MYPN: variants seen among roughly 807,000 people sequenced by gnomAD.
MYPN encodes myopalladin, also known as sarcomeric protein myopalladin, 145 kDa (MYOP).
In MYPN, 63 loss-of-function variants were observed where a neutral mutation model predicts 129.4. That is an observed-to-expected ratio of 0.49 (90% CI 0.40 to 0.60). The LOEUF is 0.60. Among genes scored for constraint, MYPN ranks in the 20% least tolerant of loss-of-function variants. The pLI, the probability that MYPN is intolerant of heterozygous loss-of-function variation, is 0.00. For synonymous variants in MYPN, 629 were observed against 600.9 expected, an observed-to-expected ratio of 1.05 and a Z score of -0.68; for missense variants, 1,596 against 1,635.4, an observed-to-expected ratio of 0.98 and a Z score of 0.42.
intron 1 of MYPN, among the ~76,000 whole-genome samples, chr10:68,095,085 G>A (rs1030130674): frequency 6.6e-6 from 1 of 152,014 alleles, no homozygotes; most frequent in Non-Finnish European, 1.5e-5. Flanking sequence ...TATAAGGCAC[G>A]AGGTCAGGAG....
chr10:68,122,605 A>G (rs1369207595), intron 2 of MYPN, among the ~76,000 whole-genome samples: 1 of 152,222 alleles, frequency 6.6e-6, no homozygotes, highest in East Asian at 1.9e-4. Context: ...CTAACATATT[A>G]AAAACATTAT....
upstream of MYPN, among the ~76,000 whole-genome samples, chr10:68,104,407 C>T (rs1000571246): frequency 1.3e-5 from 2 of 152,090 alleles, no homozygotes; most frequent in South Asian, 4.1e-4. Context: ...TTGCTGTGCT[C>T]AGAAATAACA....
At chr10:68,149,445 A>T (rs370462803) in intron 5 of MYPN, among the ~76,000 whole-genome samples, 1 of 144,556 alleles carries the variant, frequency 6.9e-6, no homozygotes, top group East Asian at 1.9e-4. Flanking sequence ...TTTCTTTTAT[A>T]TACATATTTT....
chr10:68,089,716 G>A (rs1219333702), intron 1 of MYPN, among the ~76,000 whole-genome samples: 1 of 152,116 alleles, frequency 6.6e-6, no homozygotes, highest in African/African-American at 2.4e-5. Context: ...TGTTGTTGAA[G>A]TATCAACTGT....
chr10:68,123,889 G>A (rs1401579789), intron 2 of MYPN, among the ~76,000 whole-genome samples: 3 of 151,932 alleles, frequency 2.0e-5, no homozygotes, highest in African/African-American at 7.2e-5. Flanking sequence ...AAACTTTAAA[G>A]AAACCCAAAT....
intron 13 of MYPN, among the ~76,000 whole-genome samples, chr10:68,191,216 C>CTTTTTT (rs56335317): frequency 6.9e-6 from 1 of 144,338 alleles, no homozygotes; most frequent in African/African-American, 2.5e-5. Flanking sequence ...TTTTCTATTT[C>CTTTTTT]TTTTTTTTTT....
chr10:68,194,248 A>G, intron 13 of MYPN, 115 bp from the exon 14 acceptor site: 1 of 1,115,446 alleles, frequency 9.0e-7, no homozygotes, highest in Non-Finnish European at 1.3e-6. Flanking sequence ...CAAGTGCTTC[A>G]TAAAGTATGG....
intron 10 of MYPN, among the ~76,000 whole-genome samples, chr10:68,171,152 A>C (rs1207630361): frequency 6.6e-6 from 1 of 151,490 alleles, no homozygotes; most frequent in East Asian, 1.9e-4. Flanking sequence ...CTGTCAAAAA[A>C]AAAAAAGAAA....
intron 12 of MYPN, among the ~76,000 whole-genome samples, chr10:68,178,339 T>C (rs1033780101): frequency 3.3e-5 from 5 of 152,320 alleles, no homozygotes; most frequent in African/African-American, 9.6e-5. Context: ...AAGAGTACCA[T>C]TCATCACCAG....
At position 68,158,685 on chromosome 10, in the gene MYPN, CACTT is replaced by C. The variant is rs138631064; in HGVS notation, c.1459+60_1459+63del. On this transcript the variant is annotated intron_variant, in intron 7 of 19. Coordinates refer to ENST00000358913, the MANE Select transcript of MYPN (RefSeq NM_032578.4). ...TTTGTTTTTATGAACTTATTGTACA[CACTT>C]ATTTTTATAACTTTTTAACAACTAA... The C allele has an allele frequency of 0.019, 23,847 of 1,236,382 alleles. 656 individuals carry two copies. The highest frequency in any genetic ancestry group is 0.11 in the African/African-American group (7,299 of 65,020). The allele number at this position is 1,236,382 out of a possible 1,614,324, so 76.6% of individuals were successfully genotyped here.
Position 68,121,682 on chromosome 10 carries a change from G to A in MYPN, c.244G>A (p.Ala82Thr). 6.2e-7 allele frequency: 1 copy of A among 1,614,180 alleles called. No homozygotes were observed. The highest frequency in any genetic ancestry group is 8.5e-7 in the Non-Finnish European group (1 of 1,180,028). Residue 82 changes from alanine to threonine, a missense_variant, in exon 2 of 20, where the codon GCC (alanine) becomes ACC (threonine). Coordinates refer to ENST00000358913, the MANE Select transcript of MYPN (RefSeq NM_032578.4). ...LDESVNLARL[A>T]INYDPLEKAD... is the part of the protein sequence containing the mutation. ...CGAAAGTGTCAATTTGGCAAGACTG[G>A]CCATCAATTACGACCCTTTGGAGAA...
At chr10:68,094,151 C>T (rs2041944252) in intron 1 of MYPN, among the ~76,000 whole-genome samples, 1 of 152,062 alleles carries the variant, frequency 6.6e-6, no homozygotes, top group South Asian at 2.1e-4. Context: ...AGTATCTTTA[C>T]GATCTATATC....
chr10:68,191,216 C>CTTTTT (rs56335317), intron 13 of MYPN, among the ~76,000 whole-genome samples: 2 of 144,338 alleles, frequency 1.4e-5, no homozygotes, highest in Non-Finnish European at 3.0e-5. Context: ...TTTTCTATTT[C>CTTTTT]TTTTTTTTTT....
intron 1 of MYPN, among the ~76,000 whole-genome samples, chr10:68,096,611 G>A (rs1564636552): frequency 6.6e-6 from 1 of 152,122 alleles, no homozygotes; most frequent in Non-Finnish European, 1.5e-5. Context: ...AATATAATAG[G>A]ATTTAAAACA....
At chr10:68,206,591 C>A (rs748980498) in intron 18 of MYPN, among the ~76,000 whole-genome samples, 179 bp from the exon 19 acceptor site, 19 of 152,152 alleles carry the variant, frequency 1.2e-4, no homozygotes, top group Non-Finnish European at 2.4e-4. Flanking sequence ...TCAGCCCCAG[C>A]TGCCCCCTCC....
intron 1 of MYPN, among the ~76,000 whole-genome samples, chr10:68,097,500 A>G (rs2041962251): frequency 6.6e-6 from 1 of 152,196 alleles, no homozygotes; most frequent in Admixed American, 6.5e-5. Context: ...TATAATAGTA[A>G]TGATAATAGT....
In MYPN at chr10:68,194,471, G is replaced by A; in HGVS notation, c.3034G>A (p.Asp1012Asn). ...TCTGCACATTGAATCCACTACCAGTGATGACGATGGCAACTACACCATCAT... is the reference window on the plus strand; with the variant it reads ...TCTGCACATTGAATCCACTACCAGTAATGACGATGGCAACTACACCATCAT... Reference protein sequence around the residue: ...CSLHIESTTSDDDGNYTIMAA... With the variant: ...CSLHIESTTSNDDGNYTIMAA... The change falls in exon 14 of 20, where the codon GAT (aspartate) becomes AAT (asparagine). Residue 1012 changes from aspartate (D) to asparagine (N), a missense_variant. Transcript: ENST00000358913. The A allele has an allele frequency of 6.2e-7, 1 of 1,613,952 alleles. No individual in the cohort carries two copies.
intron 1 of MYPN, among the ~76,000 whole-genome samples, chr10:68,097,190 T>C (rs2041960719): frequency 6.6e-6 from 1 of 152,350 alleles, no homozygotes; most frequent in South Asian, 2.1e-4. Flanking sequence ...ACTTGATTAC[T>C]ATTGGTGCTC....
rs1010518878 is a variant in MYPN, at chr10:68,133,922, C to A, written c.903-9018C>A. Among the ~76,000 whole-genome samples, 5 of 151,814 alleles carry A rather than the reference C, an allele frequency of 3.3e-5. No homozygotes were observed. The East Asian group carries it at 9.7e-4, about 29-fold the overall frequency. Reference sequence around the variant, plus strand: ...CCTCCCCAGCAATCACCAAATATATCCCCCTGTAATCAGAGCCAACCTCCA... The same window carrying A: ...CCTCCCCAGCAATCACCAAATATATACCCCTGTAATCAGAGCCAACCTCCA... On this transcript the variant is annotated intron_variant, in intron 2 of 19. Coordinates refer to ENST00000358913, the MANE Select transcript of MYPN (RefSeq NM_032578.4).
Sources: gnomAD v4.1 joint callset for allele counts (sites outside exome capture counted in the v4.1 genomes callset) on GRCh38, gnomAD v4.1.1 for gene constraint, MANE v1.5 for transcripts, NCBI Gene and HGNC (gene_info 2026-07-23, HGNC 2026-07-21) for gene names.